Variants in ERBB4 observed in about 807,000 individuals in gnomAD.
ERBB4 encodes the protein erb-b2 receptor tyrosine kinase 4.
ERBB4 carries 42 observed loss-of-function variants against 158.0 expected under a neutral mutation model. That is an observed-to-expected ratio of 0.27 (90% CI 0.21 to 0.34). ERBB4 has a LOEUF of 0.34. Among genes scored for constraint, ERBB4 ranks in the 10% least tolerant of loss-of-function variants. The pLI, the probability that ERBB4 is intolerant of heterozygous loss-of-function variation, is 1.00. For missense variants in ERBB4, 1,333 were observed against 1,624.1 expected, an observed-to-expected ratio of 0.82 and a Z score of 3.08; for synonymous variants, 583 against 558.7, an observed-to-expected ratio of 1.04 and a Z score of -0.61.
At chr2:211,452,261 T>G (rs1192736818) in intron 20 of ERBB4, among the ~76,000 whole-genome samples, 1 of 152,136 alleles carries the variant, frequency 6.6e-6, no homozygotes, top group African/African-American at 2.4e-5. Flanking sequence ...CACTGCAACC[T>G]CTGCCTCCCG....
At chr2:211,827,698 C>T (rs1483670234) in intron 3 of ERBB4, among the ~76,000 whole-genome samples, 3 of 151,598 alleles carry the variant, frequency 2.0e-5, no homozygotes, top group Non-Finnish European at 4.4e-5. Context: ...TCCAATCCAT[C>T]TATATTTGCT....
chr2:211,682,439 A>G (rs1023744409), intron 12 of ERBB4, among the ~76,000 whole-genome samples: 8 of 152,142 alleles, frequency 5.3e-5, no homozygotes, highest in African/African-American at 1.9e-4. Flanking sequence ...TAGTATACCA[A>G]TTCAAATGCT....
intron 1 of ERBB4, among the ~76,000 whole-genome samples, chr2:212,359,927 T>C (rs2089620271): frequency 6.6e-6 from 1 of 151,736 alleles, no homozygotes; most frequent in African/African-American, 2.4e-5. Context: ...GAAAAAAGCT[T>C]TCCACTGAAG....
At chr2:212,203,595 A>G (rs994030248) in intron 1 of ERBB4, among the ~76,000 whole-genome samples, 1 of 152,244 alleles carries the variant, frequency 6.6e-6, no homozygotes, top group Non-Finnish European at 1.5e-5. Context: ...ACTTTGGAAA[A>G]TAAGATGTGT....
intron 20 of ERBB4, among the ~76,000 whole-genome samples, chr2:211,448,358 C>T (rs1386466027): frequency 6.6e-6 from 1 of 152,004 alleles, no homozygotes; most frequent in African/African-American, 2.4e-5. Flanking sequence ...AATCTAAATC[C>T]AAACAGTATT....
intron 1 of ERBB4, among the ~76,000 whole-genome samples, chr2:212,513,750 T>G (rs1035463974): frequency 1.8e-4 from 27 of 152,212 alleles, no homozygotes; most frequent in Middle Eastern, 3.4e-3. Context: ...AGGCGGAGCT[T>G]GCAGTGCGCC....
intron 1 of ERBB4, among the ~76,000 whole-genome samples, chr2:212,443,112 A>T (rs1445947747): frequency 6.6e-6 from 1 of 152,210 alleles, no homozygotes; most frequent in South Asian, 2.1e-4. Context: ...TCCTGTCCGT[A>T]AGGCCCACCA....
At chr2:211,832,850 G>A (rs1309381992) in intron 3 of ERBB4, among the ~76,000 whole-genome samples, 2 of 147,638 alleles carry the variant, frequency 1.4e-5, no homozygotes, top group Non-Finnish European at 3.0e-5. Flanking sequence ...CATATATATA[G>A]TTTATATATA....
intron 20 of ERBB4, among the ~76,000 whole-genome samples, chr2:211,450,747 A>G (rs1485503821): frequency 6.6e-6 from 1 of 152,120 alleles, no homozygotes; most frequent in African/African-American, 2.4e-5. Flanking sequence ...GAATTAAAGT[A>G]TCATCCACCC....
intron 3 of ERBB4, among the ~76,000 whole-genome samples, chr2:211,800,243 T>G (rs1395943709): frequency 6.6e-6 from 1 of 152,144 alleles, no homozygotes; most frequent in Admixed American, 6.5e-5. Flanking sequence ...AATGCTGCCA[T>G]TGTGTGAATA....
intron 20 of ERBB4, among the ~76,000 whole-genome samples, chr2:211,518,860 TG>T (rs1182208267): frequency 6.6e-6 from 1 of 151,966 alleles, no homozygotes; most frequent in Non-Finnish European, 1.5e-5. Context: ...ACAGGTAGAG[TG>T]TTTAGCATCG....
At chr2:211,986,526 G>T (rs931209313) in intron 2 of ERBB4, among the ~76,000 whole-genome samples, 1 of 152,146 alleles carries the variant, frequency 6.6e-6, no homozygotes, top group Non-Finnish European at 1.5e-5. Context: ...CACGTGAGAG[G>T]AAGCCTTACA....
rs1305451737 is a variant in ERBB4, at chr2:211,379,746, T to C, written c.*3869A>G. 1.3e-5 allele frequency: 3 copies of C among 232,004 alleles called. No individual in the cohort carries two copies. The highest frequency in any genetic ancestry group is 2.6e-5 in the Non-Finnish European group (3 of 117,364). The allele number at this position is 232,004 out of a possible 1,614,324, so 14.4% of individuals were successfully genotyped here. On this transcript the variant is annotated 3_prime_UTR_variant, in exon 28 of 28. Coordinates refer to ENST00000342788, the MANE Select transcript of ERBB4 (RefSeq NM_005235.3). Reference sequence around the variant, plus strand: ...CTATTACCTTATGAACTACATATACTAGTTAAATTATCAACAATTACAGAT... The same window carrying C: ...CTATTACCTTATGAACTACATATACCAGTTAAATTATCAACAATTACAGAT...
chr2:211,473,161 G>C lies in ERBB4; in HGVS notation c.2488-42061C>G, dbSNP rs1039838173. Among the ~76,000 whole-genome samples, 4 of 151,896 alleles carry C rather than the reference G, an allele frequency of 2.6e-5. No individual in the cohort carries two copies. In the South Asian group the frequency reaches 8.3e-4, roughly 32 times the overall value. On this transcript the variant is annotated intron_variant, in intron 20 of 27. Coordinates refer to ENST00000342788, the MANE Select transcript of ERBB4 (RefSeq NM_005235.3). Reference sequence around the variant, plus strand: ...TATTCTCATTATAGGAAGGCAAACAGAGAGTTTACACACAAATAGAGGTAA... The same window carrying C: ...TATTCTCATTATAGGAAGGCAAACACAGAGTTTACACACAAATAGAGGTAA...
At position 212,353,295 on chromosome 2, in the gene ERBB4, CA is replaced by C. The variant is rs2089330100; in HGVS notation, c.82+185153del. Among the ~76,000 whole-genome samples the C allele has an allele frequency of 2.0e-5, 3 of 150,780 alleles. No individual in the cohort carries two copies. The South Asian group carries it at 6.2e-4, about 31-fold the overall frequency. On this transcript the variant is annotated intron_variant, in intron 1 of 27. Transcript: ENST00000342788. ...ATACAAAATAATTTGTATCATTATA[CA>C]AATTATTATAAAAGATATACAAATG...
chr2:211,924,788 C>A (rs2079971126), intron 3 of ERBB4, among the ~76,000 whole-genome samples: 1 of 151,970 alleles, frequency 6.6e-6, no homozygotes, highest in Non-Finnish European at 1.5e-5. Context: ...TAATATATAG[C>A]TTTTTTAATA....
intron 15 of ERBB4, among the ~76,000 whole-genome samples, chr2:211,661,301 T>G (rs1260039321): frequency 1.3e-5 from 2 of 152,174 alleles, no homozygotes; most frequent in East Asian, 3.8e-4. Flanking sequence ...GCAATTTGCA[T>G]CCATTCAGCC....
intron 1 of ERBB4, among the ~76,000 whole-genome samples, chr2:212,171,055 C>A (rs2081502614): frequency 6.6e-6 from 1 of 152,110 alleles, no homozygotes; most frequent in African/African-American, 2.4e-5. Flanking sequence ...ACTGTGAAAG[C>A]AGCCAGGAGG....
intron 2 of ERBB4, among the ~76,000 whole-genome samples, chr2:212,002,406 G>A (rs867152351): frequency 1.3e-5 from 2 of 152,154 alleles, no homozygotes; most frequent in African/African-American, 2.4e-5. Context: ...TGTATTTGGA[G>A]CCAGTTACAG....
Sources: gnomAD v4.1 joint callset for allele counts (sites outside exome capture counted in the v4.1 genomes callset) on GRCh38, gnomAD v4.1.1 for gene constraint, MANE v1.5 for transcripts, NCBI Gene and HGNC (gene_info 2026-07-23, HGNC 2026-07-21) for gene names.